EML5: variants seen among roughly 807,000 people sequenced by gnomAD.
EML5 encodes the protein echinoderm microtubule-associated protein-like 5.
Under a neutral mutation model 250.0 loss-of-function variants are expected in EML5, and 120 were observed. The observed-to-expected ratio is 0.48, with a 90% CI of 0.41 to 0.56. EML5 has a LOEUF of 0.56. Ranked by LOEUF, EML5 falls within the 20% of genes least tolerant of loss-of-function variation. EML5 has a pLI of 0.00. For synonymous variants in EML5, 771 were observed against 806.5 expected, an observed-to-expected ratio of 0.96 and a Z score of 0.75; for missense variants, 2,006 against 2,437.6, an observed-to-expected ratio of 0.82 and a Z score of 3.73.
chr14:88,649,499 A>G (rs762735412), intron 28 of EML5, among the ~76,000 whole-genome samples: 10 of 152,242 alleles, frequency 6.6e-5, no homozygotes, highest in Admixed American at 1.3e-4. Flanking sequence ...TATTAAACAT[A>G]CAAATACCAT....
At chr14:88,627,624 C>A (rs765138902) in intron 34 of EML5, 22 bp downstream of exon 34, 3 of 1,569,788 alleles carry the variant, frequency 1.9e-6, no homozygotes, top group Admixed American at 4.1e-5. Flanking sequence ...TTTTAAAAAT[C>A]AAACACACAA....
At chr14:88,627,602 G>A (rs1239293745) in intron 34 of EML5, 44 bp downstream of exon 34, 8 of 1,544,410 alleles carry the variant, frequency 5.2e-6, no homozygotes, top group Non-Finnish European at 7.0e-6. Flanking sequence ...TACTACCTTT[G>A]TATTCTTGTT....
chr14:88,736,251 G>C, intron 7 of EML5, 113 bp downstream of exon 7: 1 of 1,166,254 alleles, frequency 8.6e-7, no homozygotes, highest in East Asian at 2.3e-5. Context: ...TGCCCGCCTT[G>C]GCCTCCCAAA....
chr14:88,705,521 A>C lies in EML5; in HGVS notation c.1893T>G (p.Ser631=), dbSNP rs997658029. 1 of 1,604,838 alleles carries C rather than the reference A, an allele frequency of 6.2e-7. No homozygotes were observed. The highest frequency in any genetic ancestry group is 1.7e-5 in the Admixed American group (1 of 59,008). The stretch of plus-strand genomic sequence containing the variant: ...TGAGCTGTGTCTCTTGTTCAATTTC[A>C]GAATCCAGTTCTGGAACATCAGACA... ...SDLSDVPELD[S]EIEQETQLTY... Residue 631 remains serine, a synonymous_variant, in exon 12 of 44, where the codon TCT becomes TCG. Transcript: ENST00000554922.
intron 42 of EML5, 198 bp from the exon 43 acceptor site, chr14:88,616,440 T>C: frequency 1.6e-6 from 1 of 620,178 alleles, no homozygotes; most frequent in Non-Finnish European, 2.8e-6. Context: ...TGTCTCCAGG[T>C]ACTCTGACCA....
At chr14:88,635,013 A>G (rs1664351831) in intron 32 of EML5, among the ~76,000 whole-genome samples, 2 of 152,228 alleles carry the variant, frequency 1.3e-5, no homozygotes, top group Admixed American at 6.5e-5. Context: ...TCAAGAAAGG[A>G]AAAAAGTTCT....
Position 88,740,545 on chromosome 14 carries a change from T to A in EML5, c.553A>T (p.Thr185Ser). ...KFWSLCGNAL[T>S]PKRGVFGKTG... ...TTACCAAAGACACCTCGTTTTGGGG[T>A]CAGAGCATTTCCACATAAACTCCAG... The change falls in exon 5 of 44, where the codon ACC becomes TCC. Residue 185 changes from threonine (T) to serine (S), a missense_variant. Coordinates refer to ENST00000554922, the MANE Select transcript of EML5 (RefSeq NM_183387.3). The A allele has an allele frequency of 6.2e-7, 1 of 1,610,898 alleles. No homozygotes were observed. The highest frequency in any genetic ancestry group is 8.5e-7 in the Non-Finnish European group (1 of 1,178,874).
intron 13 of EML5, among the ~76,000 whole-genome samples, chr14:88,704,631 T>C (rs2093281414): frequency 6.6e-6 from 1 of 152,168 alleles, no homozygotes; most frequent in African/African-American, 2.4e-5. Context: ...AACAATGTCC[T>C]TTATAATCAT....
intron 21 of EML5, among the ~76,000 whole-genome samples, chr14:88,675,458 G>T (rs536172119): frequency 6.6e-6 from 1 of 152,206 alleles, no homozygotes; most frequent in African/African-American, 2.4e-5. Flanking sequence ...TTTTAGCTAT[G>T]GATGGAGCTG....
rs184616407 is a variant in EML5, at chr14:88,665,482, C to T, written c.3132G>A (p.Arg1044=). Residue 1044 remains arginine, a synonymous_variant, in exon 22 of 44, where the codon AGG becomes AGA. Transcript: ENST00000554922. ...LAVRKLKKGG[R]CCCFSPDGKA... is the part of the protein sequence containing the mutation. The stretch of plus-strand genomic sequence containing the variant: ...TACCATCAGGAGAAAAACAGCAACA[C>T]CTCCCACCTGAAAGAGAAAGAGCAT... 1.1e-4 allele frequency: 180 copies of T among 1,613,710 alleles called. No homozygotes were observed. In the East Asian group the frequency reaches 3.4e-3, roughly 31 times the overall value.
chr14:88,719,039 GTGGTAGTAACAC>G (rs1471185603), intron 8 of EML5, among the ~76,000 whole-genome samples: 1 of 152,192 alleles, frequency 6.6e-6, no homozygotes, highest in Non-Finnish European at 1.5e-5. Flanking sequence ...TTGATAAAAT[GTGGTAGTAACAC>G]TGTCAGAGAG....
chr14:88,773,367 A>T (rs1260424329), intron 1 of EML5, among the ~76,000 whole-genome samples: 1 of 152,248 alleles, frequency 6.6e-6, no homozygotes, highest in African/African-American at 2.4e-5. Flanking sequence ...GCTTGGTAAT[A>T]AATCTCCAAA....
intron 21 of EML5, 64 bp downstream of exon 21, chr14:88,681,826 T>G: frequency 1.3e-6 from 2 of 1,491,224 alleles, no homozygotes; most frequent in African/African-American, 2.8e-5. Context: ...TTTGCTTTCT[T>G]ATATTTGTAA....
At chr14:88,788,572 C>T (rs1339283540) in intron 1 of EML5, among the ~76,000 whole-genome samples, 1 of 151,730 alleles carries the variant, frequency 6.6e-6, no homozygotes, top group Non-Finnish European at 1.5e-5. Flanking sequence ...TCTATACCTA[C>T]TTAATACATA....
At position 88,711,643 on chromosome 14, in the gene EML5, C is replaced by T. The variant is rs1434176140; in HGVS notation, c.1657+628G>A. ...GATTACAATTCAAAATGAGATTTGG[C>T]TGGGGACACAAAGCTAAACCATATC... On this transcript the variant is annotated intron_variant, in intron 10 of 43. Coordinates refer to ENST00000554922, the MANE Select transcript of EML5 (RefSeq NM_183387.3). Among the ~76,000 whole-genome samples, 6 of 151,898 alleles carry T rather than the reference C, an allele frequency of 4.0e-5. No individual in the cohort carries two copies. The East Asian group carries it at 7.8e-4, about 20-fold the overall frequency.
At position 88,715,019 on chromosome 14, in the gene EML5, G is replaced by A. The variant is rs1395314177; in HGVS notation, c.1364C>T (p.Thr455Ile). ...ACTGTCTGAAGACCAGTCCAGATGA[G>A]TGATGAAACTAAGGGATCCCAAACA... is the stretch of plus-strand genomic sequence containing the variant. Reference protein sequence around the residue: ...GECLGSLSFITHLDWSSDSRY... With the variant: ...GECLGSLSFIIHLDWSSDSRY... Residue 455 changes from threonine (T) to isoleucine (I), a missense_variant, in exon 9 of 44, where the codon ACT becomes ATT. Physicochemically the swap from Thr to Ile is moderately conservative, Grantham distance 89. This residue lies in a region of EML5 where 1,375 missense variants were observed against 1,590.3 expected (regional missense o/e 0.86). Transcript: ENST00000554922. 6.2e-7 allele frequency: 1 copy of A among 1,613,782 alleles called. No individual in the cohort carries two copies.
At chr14:88,708,722 G>A (rs951827049) in intron 10 of EML5, among the ~76,000 whole-genome samples, 3 of 152,114 alleles carry the variant, frequency 2.0e-5, no homozygotes, top group Admixed American at 2.0e-4. Context: ...TAGCACGGAA[G>A]TCTGAGCATT....
intron 14 of EML5, among the ~76,000 whole-genome samples, chr14:88,698,427 C>T (rs1022773964): frequency 6.6e-6 from 1 of 151,880 alleles, no homozygotes; most frequent in African/African-American, 2.4e-5. Flanking sequence ...CCACCATGCC[C>T]GGCTAATTTT....
At chr14:88,640,101 AAAATC>A (rs1445979738) in intron 31 of EML5, among the ~76,000 whole-genome samples, 5 of 152,184 alleles carry the variant, frequency 3.3e-5, no homozygotes, top group South Asian at 2.1e-4. Context: ...AAGCAAAACA[AAAATC>A]AAACAAGTGG....
Sources: gnomAD v4.1 joint callset for allele counts (sites outside exome capture counted in the v4.1 genomes callset) on GRCh38, gnomAD v4.1.1 for gene constraint, gnomAD v4.1.1 regional missense constraint, MANE v1.5 for transcripts, NCBI Gene and HGNC (gene_info 2026-07-23, HGNC 2026-07-21) for gene names.